The following C10orf90 variants were observed in gnomAD, a reference collection of about 807,000 sequenced individuals.
The protein encoded by C10orf90 is (E2-independent) E3 ubiquitin-conjugating enzyme FATS.
A neutral mutation model predicts 62.5 loss-of-function variants in C10orf90; 56 were observed. The ratio of observed to expected loss-of-function variants is 0.90; its 90% CI spans 0.72 to 1.12. The LOEUF (loss-of-function observed/expected upper bound fraction) is 1.12. Ranked by LOEUF, C10orf90 falls within the 50% of genes most tolerant of loss-of-function variation. The pLI is 0.00. For synonymous variants in C10orf90, 386 were observed against 340.4 expected, an observed-to-expected ratio of 1.13 and a Z score of -1.47; for missense variants, 970 against 880.4, an observed-to-expected ratio of 1.10 and a Z score of -1.29.
intron 3 of C10orf90, chr10:126,512,203 A>C (rs970258360): frequency 6.6e-6 from 1 of 151,920 alleles, no homozygotes; most frequent in African/African-American, 2.4e-5. Flanking sequence ...AGAAGGTATA[A>C]TTTCCAGAGT....
At chr10:126,568,958 G>A (rs1273899856) in intron 2 of C10orf90, among the ~76,000 whole-genome samples, 2 of 152,170 alleles carry the variant, frequency 1.3e-5, no homozygotes, top group Non-Finnish European at 2.9e-5. Flanking sequence ...GGGCTGGCAG[G>A]AGGAGGTCTG....
In C10orf90 at chr10:126,559,264, A is replaced by G. The variant is rs180880280; in HGVS notation, c.314-45325T>C. Among the ~76,000 whole-genome samples the G allele has an allele frequency of 1.6e-3, 242 of 152,302 alleles. 1 individual carries two copies. Among genetic ancestry groups the G allele is most frequent in the African/African-American group, 5.5e-3 (230 of 41,582 alleles). On this transcript the variant is annotated intron_variant, in intron 2 of 9. Transcript: ENST00000488181. ...AGTAAGCAATACAGATGTTTCCAGCATTTCCATGTTTCCATGCATGCTCTG... is the reference window on the plus strand; with the variant it reads ...AGTAAGCAATACAGATGTTTCCAGCGTTTCCATGTTTCCATGCATGCTCTG...
intron 1 of C10orf90, among the ~76,000 whole-genome samples, chr10:126,668,085 C>T (rs770237290): frequency 6.6e-6 from 1 of 152,154 alleles, no homozygotes; most frequent in Non-Finnish European, 1.5e-5. Flanking sequence ...ACCATTAAGA[C>T]AGCTCAGGAC....
intron 1 of C10orf90, among the ~76,000 whole-genome samples, chr10:126,659,462 G>C (rs937247658): frequency 6.6e-6 from 1 of 152,192 alleles, no homozygotes. Context: ...AATAGCAAGC[G>C]ACGTGTTGTT....
intron 8 of C10orf90, among the ~76,000 whole-genome samples, chr10:126,426,622 T>A (rs1240751097): frequency 6.6e-6 from 1 of 152,210 alleles, no homozygotes; most frequent in East Asian, 1.9e-4. Flanking sequence ...CACTTTGAAT[T>A]AAGGGCCCAG....
chr10:126,653,037 C>T lies in C10orf90; in HGVS notation c.241-6400G>A, dbSNP rs374048229. Among the ~76,000 whole-genome samples the T allele has an allele frequency of 1.2e-4, 19 of 152,262 alleles. No homozygotes were observed. The South Asian group carries it at 1.9e-3, about 15-fold the overall frequency. ...TGTATTATGTCAAAAAATGTACATACCTTAATTTTAAACTACTTACTGCTA... is the reference window on the plus strand; with the variant it reads ...TGTATTATGTCAAAAAATGTACATATCTTAATTTTAAACTACTTACTGCTA... On this transcript the variant is annotated intron_variant, in intron 1 of 9. Coordinates refer to ENST00000488181, the MANE Select transcript of C10orf90 (RefSeq NM_001350921.2).
chr10:126,574,980 T>A (rs1393449240), intron 2 of C10orf90, among the ~76,000 whole-genome samples: 8 of 152,078 alleles, frequency 5.3e-5, no homozygotes, highest in Non-Finnish European at 1.0e-4. Context: ...CAACCATTTT[T>A]ATTCAACATG....
intron 4 of C10orf90, among the ~76,000 whole-genome samples, chr10:126,470,357 G>T (rs1465298191): frequency 1.3e-5 from 2 of 152,220 alleles, no homozygotes; most frequent in East Asian, 3.8e-4. Context: ...TTTCAAAGGA[G>T]AGAGAAAACC....
At chr10:126,634,840 C>T (rs1170052243) in intron 2 of C10orf90, among the ~76,000 whole-genome samples, 1 of 152,208 alleles carries the variant, frequency 6.6e-6, no homozygotes, top group East Asian at 1.9e-4. Context: ...CACCCAGACA[C>T]TGACTCTCAA....
Position 126,670,439 on chromosome 10 carries a change from C to G in C10orf90, c.42G>C (p.Gly14=), listed in dbSNP as rs936910329. Residue 14 remains glycine, a synonymous_variant, in exon 1 of 10, where the codon GGG becomes GGC. Transcript: ENST00000488181. The stretch of plus-strand genomic sequence containing the variant: ...CCGTTTCTGTGTAGCGGGCAGCATA[C>G]CCCTGCGGATGAGTTTTTGTAGGAA... ...SGIPTKTHPQ[G]YAARYTETAV... 5 of 456,428 alleles carry G rather than the reference C, an allele frequency of 1.1e-5. No homozygotes were observed. Among genetic ancestry groups the G allele is most frequent in the Non-Finnish European group, 2.2e-5 (5 of 226,950 alleles). The allele number at this position is 456,428 out of a possible 1,614,324, so 28.3% of individuals were successfully genotyped here. A position where few individuals can be genotyped will look rare whatever the true frequency, so the allele number is the denominator to read the frequency against.
chr10:126,565,428 TATATATTATAC>T (rs1420166391), intron 2 of C10orf90, among the ~76,000 whole-genome samples: 358 of 12,360 alleles, frequency 0.029, 8 homozygotes, highest in African/African-American at 0.06. Context: ...ATATATATTA[TATATATTATAC>T]ACACACACAC....
Position 126,464,970 on chromosome 10 carries a change from A to AAATACTTTTGTGTGT in C10orf90, c.1536_1550dup (p.Val516_Phe517insLeuHisThrLysVal), listed in dbSNP as rs1433283104. 7 of 1,595,034 alleles carry AAATACTTTTGTGTGT rather than the reference A, an allele frequency of 4.4e-6. No individual in the cohort carries two copies. Among genetic ancestry groups the AAATACTTTTGTGTGT allele is most frequent in the Non-Finnish European group, 5.2e-6 (6 of 1,164,262 alleles). ...CTTGTTGCCTCTTGCTGCTTCCAGAAAATACTTTTGTGTGTACTAAAAATA... is the reference window on the plus strand; with the variant it reads ...CTTGTTGCCTCTTGCTGCTTCCAGAAAATACTTTTGTGTGTAATACTTTTGTGTGTACTAAAAATA... On this transcript the variant is annotated inframe_insertion, in exon 5 of 10. Transcript: ENST00000488181.
intron 8 of C10orf90, 99 bp downstream of exon 8, chr10:126,429,687 TG>T: frequency 1.1e-6 from 1 of 917,382 alleles, no homozygotes; most frequent in Non-Finnish European, 1.7e-6. Context: ...ACCTTAAACA[TG>T]GACCTAGAAG....
chr10:126,565,189 ATTTATATTACATATTATGTAATATAATT>A (rs1488896524), intron 2 of C10orf90, among the ~76,000 whole-genome samples: 634 of 27,078 alleles, frequency 0.023, 25 homozygotes, highest in Middle Eastern at 0.14. Context: ...GTAATATAAT[ATTTATATTACATATTATGTAATATAATT>A]TTTATATTAC....
chr10:126,651,721 T>G (rs980928822), intron 1 of C10orf90, among the ~76,000 whole-genome samples: 4 of 152,194 alleles, frequency 2.6e-5, no homozygotes, highest in Non-Finnish European at 5.9e-5. Context: ...TAACTTTGCC[T>G]GTCTGGACAT....
chr10:126,496,290 C>A (rs1456313187), intron 4 of C10orf90, among the ~76,000 whole-genome samples: 1 of 152,112 alleles, frequency 6.6e-6, no homozygotes, highest in Non-Finnish European at 1.5e-5. Context: ...CCATTCTCTC[C>A]ACGAAGCTAG....
intron 2 of C10orf90, among the ~76,000 whole-genome samples, chr10:126,570,508 A>C (rs1844484972): frequency 6.6e-6 from 1 of 152,350 alleles, no homozygotes; most frequent in African/African-American, 2.4e-5. Context: ...TTAAAACTTA[A>C]TTAGGAAAAT....
At chr10:126,597,290 T>A (rs979061546) in intron 2 of C10orf90, among the ~76,000 whole-genome samples, 31 of 152,358 alleles carry the variant, frequency 2.0e-4, no homozygotes, top group African/African-American at 7.2e-4. Context: ...TGGTGGTACA[T>A]CCATGTAATG....
chr10:126,560,739 T>A (rs781174596), intron 2 of C10orf90, among the ~76,000 whole-genome samples: 1 of 152,294 alleles, frequency 6.6e-6, no homozygotes, highest in East Asian at 1.9e-4. Context: ...GCTGTCTCTG[T>A]TGCTGCTACT....
Sources: allele counts gnomAD v4.1 joint callset (sites outside exome capture counted in the v4.1 genomes callset), GRCh38; gene constraint gnomAD v4.1.1; transcripts MANE v1.5; gene names NCBI Gene and HGNC (gene_info 2026-07-23, HGNC 2026-07-21).